Variants in ATP11A observed in about 807,000 individuals in gnomAD.
The protein encoded by ATP11A is ATPase phospholipid transporting 11A.
In ATP11A, 81 loss-of-function variants were observed where a neutral mutation model predicts 154.4. That is an observed-to-expected ratio of 0.52 (90% CI 0.44 to 0.63). ATP11A has a LOEUF of 0.63. ATP11A is among the 30% of genes least tolerant of loss of function. The pLI is 0.00. For synonymous variants in ATP11A, 623 were observed against 585.9 expected, an observed-to-expected ratio of 1.06 and a Z score of -0.91; for missense variants, 1,316 against 1,474.3, an observed-to-expected ratio of 0.89 and a Z score of 1.76.
intron 1 of ATP11A, among the ~76,000 whole-genome samples, chr13:112,730,333 C>T (rs1273697726): frequency 2.0e-5 from 3 of 152,102 alleles, no homozygotes; most frequent in Non-Finnish European, 4.4e-5. Context: ...TCATGGAGGC[C>T]GGAGGACGGG....
chr13:112,743,020 G>A (rs1344352872), intron 1 of ATP11A, among the ~76,000 whole-genome samples: 1 of 152,196 alleles, frequency 6.6e-6, no homozygotes, highest in Non-Finnish European at 1.5e-5. Context: ...CACAGTGTAT[G>A]ACAGCACATG....
chr13:112,876,675 A>ACTGG (rs1253336422), intron 28 of ATP11A, among the ~76,000 whole-genome samples: 4 of 150,616 alleles, frequency 2.7e-5, no homozygotes, highest in Non-Finnish European at 6.0e-5. Context: ...GGAGCCCTGG[A>ACTGG]CTGGGCAGTG....
chr13:112,860,884 C>G (rs952820012), intron 24 of ATP11A: 1 of 154,154 alleles, frequency 6.5e-6, no homozygotes, highest in East Asian at 1.9e-4. Flanking sequence ...AAATGCCCCC[C>G]AAGGTCTCTG....
At chr13:112,719,019 G>A (rs1298148479) in intron 1 of ATP11A, among the ~76,000 whole-genome samples, 1 of 152,116 alleles carries the variant, frequency 6.6e-6, no homozygotes, top group Non-Finnish European at 1.5e-5. Flanking sequence ...GGAGGGTTAG[G>A]ATTTCAACGA....
In ATP11A at chr13:112,885,050, T is replaced by C. The variant is rs1176540844; in HGVS notation, c.*3184T>C. 6.6e-6 allele frequency: 1 copy of C among 151,880 alleles called. No homozygotes were observed. Among genetic ancestry groups the C allele is most frequent in the Non-Finnish European group, 1.5e-5 (1 of 68,022 alleles). The allele number at this position is 151,880 out of a possible 1,614,324, so 9.4% of individuals were successfully genotyped here. A position where few individuals can be genotyped will look rare whatever the true frequency, so the allele number is the denominator to read the frequency against. On this transcript the variant is annotated 3_prime_UTR_variant, in exon 30 of 30. Coordinates refer to ENST00000375645, the MANE Select transcript of ATP11A (RefSeq NM_015205.3). ...CTGCACACATGCATGCACACAAACG[T>C]GTACACAAGTGTGAGCTCCTACACG...
intron 16 of ATP11A, among the ~76,000 whole-genome samples, chr13:112,841,703 T>C (rs1030147660): frequency 2.6e-5 from 4 of 152,274 alleles, no homozygotes; most frequent in Non-Finnish European, 5.9e-5. Context: ...TGGCCTTTGC[T>C]GTATGCTGCA....
intron 1 of ATP11A, among the ~76,000 whole-genome samples, chr13:112,719,345 A>G (rs888051152): frequency 1.3e-5 from 2 of 152,238 alleles, no homozygotes. Context: ...TTATATTCTC[A>G]CGTAATCTTC....
At chr13:112,745,843 C>T (rs1892064202) in intron 1 of ATP11A, 1 of 152,210 alleles carries the variant, frequency 6.6e-6, no homozygotes. Context: ...TATTGAGCAC[C>T]TCCACATTGT....
chr13:112,885,349 C>G lies in ATP11A; in HGVS notation c.*3483C>G, dbSNP rs2080959016. The G allele has an allele frequency of 6.6e-6, 1 of 152,248 alleles. No individual in the cohort carries two copies. Among genetic ancestry groups the G allele is most frequent in the Admixed American group, 6.5e-5 (1 of 15,288 alleles). 9.4% of individuals were successfully genotyped at this position (152,248 alleles called of 1,614,324 possible). A position where few individuals can be genotyped will look rare whatever the true frequency, so the allele number is the denominator to read the frequency against. ...AGCTTCTACTGCACACATGCACACA[C>G]ACACGCACACGTACATTCACTACAA... is the stretch of plus-strand genomic sequence containing the variant. On this transcript the variant is annotated 3_prime_UTR_variant, in exon 30 of 30. Transcript: ENST00000375645.
At chr13:112,765,791 G>T (rs138741525) in intron 1 of ATP11A, among the ~76,000 whole-genome samples, 1 of 152,378 alleles carries the variant, frequency 6.6e-6, no homozygotes, top group African/African-American at 2.4e-5. Flanking sequence ...TCTGAAAGAT[G>T]CTCACGAATA....
In ATP11A at chr13:112,882,399, C is replaced by T. The variant is rs573728153; in HGVS notation, c.*533C>T. 8 of 397,316 alleles carry T rather than the reference C, an allele frequency of 2.0e-5. No homozygotes were observed. In the East Asian group the frequency reaches 4.2e-4, roughly 21 times the overall value. The allele number at this position is 397,316 out of a possible 1,614,324, so 24.6% of individuals were successfully genotyped here. A position where few individuals can be genotyped will look rare whatever the true frequency, so the allele number is the denominator to read the frequency against. On this transcript the variant is annotated 3_prime_UTR_variant, in exon 30 of 30. Transcript: ENST00000375645. The surrounding 1 kb of genome is among the most constrained non-coding windows in gnomAD (Gnocchi z 5.1). ...TGTGGATGCCACATGCTGCTGTTTC[C>T]TGCTTGCCCGGCCACCACCCATGCC...
chr13:112,830,444 C>T (rs1221481138), intron 12 of ATP11A, among the ~76,000 whole-genome samples: 1 of 152,098 alleles, frequency 6.6e-6, no homozygotes, highest in Non-Finnish European at 1.5e-5. Context: ...GACGTGGTGG[C>T]AGGTGCCTGT....
Position 112,745,105 on chromosome 13 carries a change from C to T in ATP11A, c.40-40030C>T, listed in dbSNP as rs578011067. 3.0e-4 allele frequency among the ~76,000 whole-genome samples: 45 copies of T among 152,344 alleles called. No individual in the cohort carries two copies. In the South Asian group the frequency reaches 9.3e-3, roughly 32 times the overall value. ...TTTGAGACGGAGTCTTACTCTGTTGCTGAGGCTGGAGTGCAGTGGTGCCAT... is the reference window on the plus strand; with the variant it reads ...TTTGAGACGGAGTCTTACTCTGTTGTTGAGGCTGGAGTGCAGTGGTGCCAT... On this transcript the variant is annotated intron_variant, in intron 1 of 29. Coordinates refer to ENST00000375645, the MANE Select transcript of ATP11A (RefSeq NM_015205.3).
chr13:112,819,684 C>CGTTTGT (rs1594790827), intron 7 of ATP11A, among the ~76,000 whole-genome samples: 2 of 152,142 alleles, frequency 1.3e-5, no homozygotes, highest in East Asian at 3.8e-4. Context: ...TTACGGAAGA[C>CGTTTGT]GTTTGTAAAC....
rs542247571 is a variant in ATP11A at position 112,753,863 on chromosome 13, A to T, written c.40-31272A>T. 6.0e-4 allele frequency among the ~76,000 whole-genome samples: 91 copies of T among 152,346 alleles called. No individual in the cohort carries two copies. The highest frequency in any genetic ancestry group is 1.0e-3 in the Non-Finnish European group (68 of 68,038). On this transcript the variant is annotated intron_variant, in intron 1 of 29. Transcript: ENST00000375645. This position sits in a 1 kb window ranked among gnomAD's most constrained non-coding sequence, Gnocchi z 4.1. ...GTTAGAAGCGCTTTTTCCAAAATGC[A>T]ATGTAGAGTTATTTAAATTTAAAAA... is the stretch of plus-strand genomic sequence containing the variant.
In ATP11A at chr13:112,873,609, C is replaced by A. The variant is rs1276729773; in HGVS notation, c.3094C>A (p.His1032Asn). ...LDTHYWTWIN[H>N]FVIWGSLLFY... ...CACACACTACTGGACTTGGATCAACCATTTTGTCATCTGGGGGTCGCTGCT... is the reference window on the plus strand; with the variant it reads ...CACACACTACTGGACTTGGATCAACAATTTTGTCATCTGGGGGTCGCTGCT... Residue 1032 changes from histidine to asparagine, a missense_variant, in exon 27 of 30, where the codon CAT becomes AAT. Physicochemically the swap from His to Asn is moderately conservative, Grantham distance 68. Around this residue, in one of 5 missense-constraint regions of ATP11A, gnomAD observed 294 missense variants for 290.2 expected, o/e 1.01. Coordinates refer to ENST00000375645, the MANE Select transcript of ATP11A (RefSeq NM_015205.3). 6.2e-7 allele frequency: 1 copy of A among 1,612,894 alleles called. No individual in the cohort carries two copies. The highest frequency in any genetic ancestry group is 8.5e-7 in the Non-Finnish European group (1 of 1,179,688).
intron 1 of ATP11A, among the ~76,000 whole-genome samples, chr13:112,704,646 G>T (rs1427221652): frequency 2.6e-5 from 4 of 152,248 alleles, no homozygotes; most frequent in African/African-American, 9.6e-5. Flanking sequence ...TGGGCTGGGG[G>T]TGTCCCCCAC....
At chr13:112,839,446 T>C (rs900014859) in intron 16 of ATP11A, among the ~76,000 whole-genome samples, 2 of 152,078 alleles carry the variant, frequency 1.3e-5, no homozygotes, top group African/African-American at 4.8e-5. Context: ...TCCATGTCCT[T>C]GAGCTGGTCT....
intron 1 of ATP11A, among the ~76,000 whole-genome samples, chr13:112,695,588 T>G (rs1220169750): frequency 6.6e-6 from 1 of 152,240 alleles, no homozygotes; most frequent in Non-Finnish European, 1.5e-5. Context: ...GAAAAAAGTT[T>G]GTATTATTAG....
Sources: allele counts gnomAD v4.1 joint callset (sites outside exome capture counted in the v4.1 genomes callset), GRCh38; gene constraint gnomAD v4.1.1; regional missense constraint gnomAD v4.1.1; non-coding constraint Gnocchi (gnomAD v3.1); transcripts MANE v1.5; gene names NCBI Gene and HGNC (gene_info 2026-07-23, HGNC 2026-07-21).